The following CHN1 variants were observed in gnomAD, a reference collection of about 807,000 sequenced individuals.
The protein encoded by CHN1 is chimerin 1.
Under a neutral mutation model 59.5 loss-of-function variants are expected in CHN1, and 37 were observed. The ratio of observed to expected loss-of-function variants is 0.62; its 90% CI spans 0.48 to 0.82. CHN1 has a LOEUF of 0.82. CHN1 is among the 40% of genes least tolerant of loss of function. CHN1 has a pLI of 0.00. For missense variants in CHN1, 469 were observed against 571.0 expected (o/e 0.82, Z 1.82); for synonymous variants, 206 against 200.4 (o/e 1.03, Z -0.24).
chr2:174,923,622 T>C (rs1689081190), intron 3 of CHN1, among the ~76,000 whole-genome samples: 1 of 152,172 alleles, frequency 6.6e-6, no homozygotes, highest in African/African-American at 2.4e-5. Flanking sequence ...ATACTCTACT[T>C]ATCAAGGAAA....
rs1223797279 is a variant in CHN1, at chr2:174,847,690, G to GTATT, written c.550-737_550-734dup. 4 of 1,255,270 alleles carry GTATT rather than the reference G, an allele frequency of 3.2e-6. No individual in the cohort carries two copies. In the Admixed American group the frequency reaches 1.0e-4, roughly 32 times the overall value. The allele number at this position is 1,255,270 out of a possible 1,614,324, so 77.8% of individuals were successfully genotyped here. On this transcript the variant is annotated intron_variant, in intron 6 of 12. Coordinates refer to ENST00000409900, the MANE Select transcript of CHN1 (RefSeq NM_001822.7). ...GATAACCAATGAAAATCAAGCAACA[G>GTATT]TATTTAAGTACTGTATTCCTAAACT...
chr2:174,819,636 A>G (rs2105394670), intron 8 of CHN1, among the ~76,000 whole-genome samples: 1 of 152,228 alleles, frequency 6.6e-6, no homozygotes, highest in East Asian at 1.9e-4. Flanking sequence ...ATTCTAAATG[A>G]ACAACGACCA....
intron 5 of CHN1, among the ~76,000 whole-genome samples, chr2:174,897,036 TC>T (rs965694597): frequency 5.3e-5 from 8 of 152,124 alleles, no homozygotes; most frequent in Non-Finnish European, 7.4e-5. Flanking sequence ...GGATTTCCCC[TC>T]CCACCTTCTA....
chr2:174,902,568 A>T (rs1386858845), intron 5 of CHN1, among the ~76,000 whole-genome samples: 1 of 152,160 alleles, frequency 6.6e-6, no homozygotes, highest in Non-Finnish European at 1.5e-5. Flanking sequence ...CTAAGAGGAG[A>T]AAAACAGTTT....
intron 1 of CHN1, among the ~76,000 whole-genome samples, chr2:174,998,185 C>T (rs572132825): frequency 2.8e-4 from 42 of 151,038 alleles, no homozygotes; most frequent in Non-Finnish European, 5.3e-4. Flanking sequence ...TGCCTATGGT[C>T]CCAGCTACTC....
At chr2:174,920,962 A>C (rs528357887) in intron 3 of CHN1, 3 of 433,472 alleles carry the variant, frequency 6.9e-6, no homozygotes, top group Non-Finnish European at 1.4e-5. Flanking sequence ...TTGGATTCTC[A>C]TAAGGGGCAT....
At chr2:174,977,295 G>A (rs1346843145) in intron 1 of CHN1, among the ~76,000 whole-genome samples, 1 of 152,084 alleles carries the variant, frequency 6.6e-6, no homozygotes, top group East Asian at 1.9e-4. Context: ...AATCTATATT[G>A]ACATTTCTTC....
chr2:174,956,590 G>A (rs1646712993), intron 1 of CHN1, among the ~76,000 whole-genome samples: 1 of 151,914 alleles, frequency 6.6e-6, no homozygotes, highest in Non-Finnish European at 1.5e-5. Flanking sequence ...TGGCCAACAT[G>A]ATGAAACCCC....
chr2:174,839,302 G>A (rs557214344), intron 7 of CHN1, among the ~76,000 whole-genome samples: 4 of 152,180 alleles, frequency 2.6e-5, no homozygotes, highest in African/African-American at 7.2e-5. Context: ...TATCCTTAAA[G>A]AAAGTATGGT....
intron 8 of CHN1, among the ~76,000 whole-genome samples, chr2:174,822,442 T>C (rs1199312438): frequency 1.3e-5 from 2 of 152,234 alleles, no homozygotes; most frequent in African/African-American, 4.8e-5. Flanking sequence ...TCATAGGTGC[T>C]GTACCTATTC....
intron 1 of CHN1, among the ~76,000 whole-genome samples, chr2:175,001,228 T>C (rs536420691): frequency 6.6e-5 from 10 of 152,336 alleles, no homozygotes; most frequent in African/African-American, 2.4e-4. Context: ...TTGTATTCTT[T>C]GGACAACTGA....
At chr2:174,908,776 C>T (rs969109229) in intron 5 of CHN1, among the ~76,000 whole-genome samples, 1 of 152,050 alleles carries the variant, frequency 6.6e-6, no homozygotes, top group Non-Finnish European at 1.5e-5. Context: ...TTTCAATTGT[C>T]CAATTTAACA....
rs556798482 is a variant in CHN1, at chr2:174,983,906, T to C, written c.19+20988A>G. On this transcript the variant is annotated intron_variant, in intron 1 of 12. Coordinates refer to ENST00000409900, the MANE Select transcript of CHN1 (RefSeq NM_001822.7). ...AAAGACAAATCCTTTCATTGACAAC[T>C]GCATACATGTCTACATTTTCACAAG... Among the ~76,000 whole-genome samples the C allele has an allele frequency of 1.7e-4, 26 of 152,292 alleles. No homozygotes were observed. In the South Asian group the frequency reaches 5.4e-3, roughly 32 times the overall value.
intron 6 of CHN1, among the ~76,000 whole-genome samples, chr2:174,869,996 A>T (rs1687353900): frequency 6.6e-6 from 1 of 152,240 alleles, no homozygotes; most frequent in Admixed American, 6.5e-5. Context: ...ACTGTTAGTA[A>T]ATAAGTATAA....
At chr2:174,925,676 C>A (rs773807236) in intron 3 of CHN1, among the ~76,000 whole-genome samples, 1 of 152,212 alleles carries the variant, frequency 6.6e-6, no homozygotes, top group African/African-American at 2.4e-5. Context: ...TTCTTTCTAC[C>A]GACTTCAAGT....
At chr2:174,851,687 T>C (rs1035629052) in intron 6 of CHN1, among the ~76,000 whole-genome samples, 1 of 152,198 alleles carries the variant, frequency 6.6e-6, no homozygotes, top group Non-Finnish European at 1.5e-5. Flanking sequence ...GTTTCTACCT[T>C]TGTCCATACT....
intron 10 of CHN1, 197 bp downstream of exon 10, chr2:174,811,314 T>C (rs1685064661): frequency 2.0e-6 from 1 of 503,106 alleles, no homozygotes; most frequent in East Asian, 3.2e-5. Flanking sequence ...ATTTTATACT[T>C]CTTTCATATT....
At chr2:174,944,467 T>C (rs773149924) in intron 3 of CHN1, among the ~76,000 whole-genome samples, 2 of 152,234 alleles carry the variant, frequency 1.3e-5, no homozygotes, top group African/African-American at 4.8e-5. Context: ...TATATTGTCA[T>C]ACATCATATC....
At chr2:174,992,242 T>C (rs1284406686) in intron 1 of CHN1, among the ~76,000 whole-genome samples, 3 of 152,162 alleles carry the variant, frequency 2.0e-5, no homozygotes, top group African/African-American at 4.8e-5. Flanking sequence ...GGCTGGAACA[T>C]GTGGCGTCTG....
Sources: gnomAD v4.1 joint callset for allele counts (sites outside exome capture counted in the v4.1 genomes callset) on GRCh38, gnomAD v4.1.1 for gene constraint, MANE v1.5 for transcripts, NCBI Gene and HGNC (gene_info 2026-07-23, HGNC 2026-07-21) for gene names.